The following DAO variants were observed in gnomAD, a reference collection of about 807,000 sequenced individuals.
DAO encodes the protein D-amino acid oxidase, also known as D-amino-acid oxidase.
DAO carries 51 observed loss-of-function variants against 50.1 expected under a neutral mutation model. The ratio of observed to expected loss-of-function variants is 1.02; its 90% CI spans 0.81 to 1.29. DAO has a LOEUF of 1.29. Among genes scored for constraint, DAO ranks in the 50% most tolerant of loss-of-function variants. The pLI, the probability that DAO is intolerant of heterozygous loss-of-function variation, is 0.00. For missense variants in DAO, 436 were observed against 439.4 expected, an observed-to-expected ratio of 0.99 and a Z score of 0.07; for synonymous variants, 160 against 166.2, an observed-to-expected ratio of 0.96 and a Z score of 0.29.
chr12:108,880,224 G>T lies in DAO; in HGVS notation c.-10G>T. The T allele has an allele frequency of 2.3e-6, 1 of 434,644 alleles. No individual in the cohort carries two copies. The allele number at this position is 434,644 out of a possible 1,614,324, so 26.9% of individuals were successfully genotyped here. On this transcript the variant is annotated splice_region_variant and 5_prime_UTR_variant, in exon 1 of 11. Coordinates refer to ENST00000228476, the MANE Select transcript of DAO (RefSeq NM_001917.5). ...GTCTCTCCAGCAGTTTGGTACTTCC[G>T]GTGAGTGGCAGATGCACCTTTGAGC...
At chr12:108,899,588 C>G (rs2039600189) in intron 10 of DAO, 113 bp downstream of exon 10, 5 of 920,458 alleles carry the variant, frequency 5.4e-6, no homozygotes, top group Non-Finnish European at 8.6e-6. Context: ...CCATAGCAGG[C>G]AGGGGCAGTG....
In DAO at chr12:108,890,190, TG is replaced by T. The variant is rs1212361128; in HGVS notation, c.387-17del. On this transcript the variant is annotated splice_polypyrimidine_tract_variant and intron_variant, in intron 4 of 10. Coordinates refer to ENST00000228476, the MANE Select transcript of DAO (RefSeq NM_001917.5). Reference sequence around the variant, plus strand: ...GATTTTTACCTTTATTTCCACCTTTTGCTTACTGTGACTCTAGCTATGGCTG... The same window carrying T: ...GATTTTTACCTTTATTTCCACCTTTTCTTACTGTGACTCTAGCTATGGCTG... The T allele has an allele frequency of 1.2e-6, 2 of 1,605,954 alleles. No individual in the cohort carries two copies. Among genetic ancestry groups the T allele is most frequent in the Non-Finnish European group, 1.7e-6 (2 of 1,172,646 alleles).
chr12:108,885,313 T>A, intron 2 of DAO, 113 bp downstream of exon 2: 1 of 1,081,994 alleles, frequency 9.2e-7, no homozygotes, highest in Non-Finnish European at 1.4e-6. Context: ...TGATCTAGCA[T>A]AAAATAAAGA....
At chr12:108,884,857 A>G (rs2039417374) in intron 1 of DAO, 141 bp from the exon 2 acceptor site, 2 of 779,306 alleles carry the variant, frequency 2.6e-6, no homozygotes, top group Non-Finnish European at 4.5e-6. Flanking sequence ...CCTTCCTCCT[A>G]GGGGTCATCG....
In DAO at chr12:108,900,680, G is replaced by T. The variant is rs537553653; in HGVS notation, c.*145G>T. On this transcript the variant is annotated 3_prime_UTR_variant, in exon 11 of 11. Coordinates refer to ENST00000228476, the MANE Select transcript of DAO (RefSeq NM_001917.5). ...GGTGAGAGAAAGCCACAAAGTCAGT[G>T]CCTGGAGAAGGGTTCAGCCCAACAT... The T allele has an allele frequency of 4.9e-6, 6 of 1,223,090 alleles. No homozygotes were observed. The highest frequency in any genetic ancestry group is 2.7e-5 in the South Asian group (2 of 73,094). 75.8% of individuals were successfully genotyped at this position (1,223,090 alleles called of 1,614,324 possible).
At position 108,889,437 on chromosome 12, in the gene DAO, C is replaced by T. The variant is rs748467054; in HGVS notation, c.310-32C>T. The stretch of plus-strand genomic sequence containing the variant: ...TTATCATTATTATTGACTTCCATCC[C>T]ACCCAGTGCCCCCTTTGTCCTTCCT... On this transcript the variant is annotated intron_variant, in intron 3 of 10. Coordinates refer to ENST00000228476, the MANE Select transcript of DAO (RefSeq NM_001917.5). 4 of 1,519,240 alleles carry T rather than the reference C, an allele frequency of 2.6e-6. No homozygotes were observed. In the South Asian group the frequency reaches 4.5e-5, roughly 17 times the overall value. 94.1% of individuals were successfully genotyped at this position (1,519,240 alleles called of 1,614,324 possible). A position where few individuals can be genotyped will look rare whatever the true frequency, so the allele number is the denominator to read the frequency against.
intron 2 of DAO, among the ~76,000 whole-genome samples, chr12:108,887,179 T>C (rs182990015): frequency 6.6e-6 from 1 of 152,252 alleles, no homozygotes; most frequent in East Asian, 1.9e-4. Flanking sequence ...TCATCAGCCA[T>C]GTAATCCCAT....
At chr12:108,888,278 C>A (rs191617944) in intron 3 of DAO, among the ~76,000 whole-genome samples, 2 of 152,286 alleles carry the variant, frequency 1.3e-5, no homozygotes, top group East Asian at 3.9e-4. Flanking sequence ...GTTCATTCAA[C>A]CTTTGGCACT....
intron 1 of DAO, among the ~76,000 whole-genome samples, chr12:108,881,509 ACG>A (rs2039379070): frequency 7.9e-6 from 1 of 125,998 alleles, no homozygotes; most frequent in South Asian, 3.0e-4. Context: ...ACACACACAC[ACG>A]TTGCTATAAT....
At chr12:108,891,739 C>CATGCATG (rs2039494192) in intron 5 of DAO, among the ~76,000 whole-genome samples, 1 of 152,064 alleles carries the variant, frequency 6.6e-6, no homozygotes, top group African/African-American at 2.4e-5. Context: ...GCTGGGACCA[C>CATGCATG]ATGCATGTGC....
chr12:108,895,391 A>G (rs1443516441), intron 7 of DAO, among the ~76,000 whole-genome samples: 1 of 121,154 alleles, frequency 8.3e-6, no homozygotes, highest in Non-Finnish European at 1.7e-5. Context: ...TGGTGTGTGC[A>G]CATATGTGAG....
chr12:108,898,442 G>A, intron 8 of DAO: 1 of 525,824 alleles, frequency 1.9e-6, no homozygotes, highest in African/African-American at 1.9e-5. Context: ...GATGAATGCA[G>A]TTGGTGGTGA....
chr12:108,885,157 C>T lies in DAO; in HGVS notation c.151C>T (p.Leu51Phe), dbSNP rs2039422204. 1.2e-6 allele frequency: 2 copies of T among 1,612,302 alleles called. No homozygotes were observed. Among genetic ancestry groups the T allele is most frequent in the East Asian group, 2.2e-5 (1 of 44,870 alleles). The part of the protein sequence containing the change: ...PLTTTDVAAG[L>F]WQPYLSDPNN... ...CACCACCACCGACGTGGCTGCCGGCCTCTGGCAGCCCTACCTTTCTGACCC... is the reference window on the plus strand; with the variant it reads ...CACCACCACCGACGTGGCTGCCGGCTTCTGGCAGCCCTACCTTTCTGACCC... The change falls in exon 2 of 11, where the codon CTC (leucine) becomes TTC (phenylalanine). Residue 51 changes from leucine to phenylalanine, a missense_variant. Leu to Phe is a conservative substitution (Grantham distance 22). Transcript: ENST00000228476.
At chr12:108,895,487 G>C (rs2039541534) in intron 7 of DAO, among the ~76,000 whole-genome samples, 1 of 149,264 alleles carries the variant, frequency 6.7e-6, no homozygotes, top group Non-Finnish European at 1.5e-5. Flanking sequence ...ATGTATGTGA[G>C]GGTGTATGTG....
chr12:108,899,581 T>A, intron 10 of DAO, 106 bp downstream of exon 10: 1 of 982,524 alleles, frequency 1.0e-6, no homozygotes, highest in Non-Finnish European at 1.6e-6. Flanking sequence ...ACAGGCTCCA[T>A]AGCAGGCAGG....
At position 108,880,134 on chromosome 12, in the gene DAO, C is replaced by T. The variant is rs566234444; in HGVS notation, c.-100C>T. ...GGCGGACAGAGGGCTGGAAACAAGA[C>T]GCTCCAGAATCAGGAGCTTCCCCTC... On this transcript the variant is annotated 5_prime_UTR_variant, in exon 1 of 11. In the 5' UTR this introduces an upstream ATG that the reference lacks. Coordinates refer to ENST00000228476, the MANE Select transcript of DAO (RefSeq NM_001917.5). 383 of 456,692 alleles carry T rather than the reference C, an allele frequency of 8.4e-4. No homozygotes were observed. Among genetic ancestry groups the T allele is most frequent in the Non-Finnish European group, 1.5e-3 (332 of 226,966 alleles). The allele number at this position is 456,692 out of a possible 1,614,324, so 28.3% of individuals were successfully genotyped here.
At chr12:108,894,882 ATTT>A (rs984320472) in intron 7 of DAO, among the ~76,000 whole-genome samples, 2 of 151,950 alleles carry the variant, frequency 1.3e-5, no homozygotes, top group African/African-American at 4.8e-5. Flanking sequence ...TGCTCAGCCA[ATTT>A]TTTTATTTTT....
chr12:108,885,013 G>C lies in DAO; in HGVS notation c.7G>C (p.Val3Leu), dbSNP rs1217061377. MR[V>L]VVIGAGVIGL... is the part of the protein sequence containing the mutation. The stretch of plus-strand genomic sequence containing the variant: ...CTTCCCACAGGCTGCTGCAATGCGT[G>C]TGGTGGTGATTGGAGCAGGAGTCAT... The change falls in exon 2 of 11, where the codon GTG becomes CTG. Residue 3 changes from valine (V) to leucine (L), a missense_variant. Coordinates refer to ENST00000228476, the MANE Select transcript of DAO (RefSeq NM_001917.5). The C allele has an allele frequency of 2.5e-6, 4 of 1,614,136 alleles. No individual in the cohort carries two copies. In the Admixed American group the frequency reaches 6.7e-5, roughly 27 times the overall value.
At chr12:108,887,703 G>C in intron 3 of DAO, 139 bp downstream of exon 3, 1 of 718,756 alleles carries the variant, frequency 1.4e-6, no homozygotes, top group Non-Finnish European at 2.5e-6. Context: ...TTCAAAACAG[G>C]TTTGGTTTAA....
Sources: allele counts gnomAD v4.1 joint callset (sites outside exome capture counted in the v4.1 genomes callset), GRCh38; gene constraint gnomAD v4.1.1; transcripts MANE v1.5; gene names NCBI Gene and HGNC (gene_info 2026-07-23, HGNC 2026-07-21).